CRYBG1: variants seen among roughly 807,000 people sequenced by gnomAD.
The protein encoded by CRYBG1 is beta/gamma crystallin domain-containing protein 1.
In CRYBG1, 139 loss-of-function variants were observed where a neutral mutation model predicts 189.2. The ratio of observed to expected loss-of-function variants is 0.73; its 90% CI spans 0.64 to 0.85. The LOEUF is 0.85. CRYBG1 is among the 40% of genes least tolerant of loss of function. The pLI is 0.00. For missense variants in CRYBG1, 2,611 were observed against 2,675.8 expected (o/e 0.98, Z 0.53); for synonymous variants, 1,023 against 1,017.1 (o/e 1.01, Z -0.11).
Position 106,506,446 on chromosome 6 carries a change from CTTTTTTTTTTTTT to C in CRYBG1, c.313-4971_313-4959del, listed in dbSNP as rs67154803. 5.7e-5 allele frequency among the ~76,000 whole-genome samples: 4 copies of C among 69,950 alleles called. No homozygotes were observed. The East Asian group carries it at 1.3e-3, about 22-fold the overall frequency. The allele number at this position is 69,950 out of a possible 152,430, so 45.9% of individuals were successfully genotyped here. On this transcript the variant is annotated intron_variant, in intron 2 of 21. Transcript: ENST00000633556. The stretch of plus-strand genomic sequence containing the variant: ...CAAAATGTTATTAGATTTCTTGTCA[CTTTTTTTTTTTTT>C]TTTTTTTTTTTTGAGATGGAGTTTC...
At chr6:106,382,892 T>C (rs774675987) in intron 1 of CRYBG1, among the ~76,000 whole-genome samples, 9 of 152,222 alleles carry the variant, frequency 5.9e-5, no homozygotes, top group Admixed American at 1.3e-4. Flanking sequence ...GTTAGACACA[T>C]TGCAAAAGAC....
chr6:106,568,913 A>C lies in CRYBG1; in HGVS notation c.*347A>C, dbSNP rs1774976565. ...AATTATTTCCAAAGATAGTGACAGGAGAGAACTGGAACAAATTTACCAACT... is the reference window on the plus strand; with the variant it reads ...AATTATTTCCAAAGATAGTGACAGGCGAGAACTGGAACAAATTTACCAACT... On this transcript the variant is annotated 3_prime_UTR_variant, in exon 22 of 22. Coordinates refer to ENST00000633556, the MANE Select transcript of CRYBG1 (RefSeq NM_001371242.2). 5.2e-6 allele frequency: 1 copy of C among 193,194 alleles called. No individual in the cohort carries two copies. The highest frequency in any genetic ancestry group is 2.3e-5 in the African/African-American group (1 of 42,934). The allele number at this position is 193,194 out of a possible 1,614,324, so 12.0% of individuals were successfully genotyped here.
intron 1 of CRYBG1, among the ~76,000 whole-genome samples, chr6:106,432,708 C>T (rs1206313645): frequency 3.3e-5 from 5 of 152,232 alleles, no homozygotes; most frequent in East Asian, 1.9e-4. Context: ...CGTGCACCTC[C>T]GCCTGTCCTC....
chr6:106,558,869 C>T (rs1323423606), intron 18 of CRYBG1, among the ~76,000 whole-genome samples: 1 of 151,808 alleles, frequency 6.6e-6, no homozygotes, highest in Non-Finnish European at 1.5e-5. Flanking sequence ...AGGCTGAGGC[C>T]GAAGGATCAC....
intron 9 of CRYBG1, 136 bp downstream of exon 9, chr6:106,539,665 G>A: frequency 4.8e-5 from 34 of 708,404 alleles, no homozygotes; most frequent in South Asian, 2.5e-4. Context: ...TTGCTCAATA[G>A]AAATCATGGA....
At position 106,516,205 on chromosome 6, in the gene CRYBG1, C is replaced by T. The variant is rs1466231207; in HGVS notation, c.1923-2926C>T. ...GTTGACTCACCAGCAGTCATACTGC[C>T]TGTCCCTTCTAGAAGCTCCTTAGGC... On this transcript the variant is annotated intron_variant, in intron 3 of 21. Coordinates refer to ENST00000633556, the MANE Select transcript of CRYBG1 (RefSeq NM_001371242.2). Among the ~76,000 whole-genome samples the T allele has an allele frequency of 5.9e-5, 9 of 151,434 alleles. No individual in the cohort carries two copies. In the East Asian group the frequency reaches 1.8e-3, roughly 30 times the overall value.
At chr6:106,453,776 A>G (rs1011701465) in intron 2 of CRYBG1, among the ~76,000 whole-genome samples, 36 of 152,198 alleles carry the variant, frequency 2.4e-4, no homozygotes, top group Non-Finnish European at 4.9e-4. Context: ...AGCTCTGGGC[A>G]TTGGGCTGCC....
chr6:106,364,981 T>C (rs1771954611), intron 1 of CRYBG1, among the ~76,000 whole-genome samples: 1 of 152,242 alleles, frequency 6.6e-6, no homozygotes, highest in Non-Finnish European at 1.5e-5. Context: ...GAGTTGTTTC[T>C]CTTTTTCTTA....
chr6:106,390,781 A>G (rs1770484569), intron 1 of CRYBG1, among the ~76,000 whole-genome samples: 1 of 152,020 alleles, frequency 6.6e-6, no homozygotes. Flanking sequence ...TTATTTTATG[A>G]CTGTGTTACA....
chr6:106,571,809 C>T lies in CRYBG1; in HGVS notation c.*3243C>T. 1.9e-6 allele frequency: 1 copy of T among 513,806 alleles called. No homozygotes were observed. Among genetic ancestry groups the T allele is most frequent in the East Asian group, 3.4e-5 (1 of 29,522 alleles). 31.8% of individuals were successfully genotyped at this position (513,806 alleles called of 1,614,324 possible). ...ACTTCGAATTTCTACTGACTACAGA[C>T]AAATCCAAGTGCTGATATTTTTATA... On this transcript the variant is annotated 3_prime_UTR_variant, in exon 22 of 22. Transcript: ENST00000633556.
At chr6:106,388,936 T>C (rs1352614037) in intron 1 of CRYBG1, among the ~76,000 whole-genome samples, 1 of 152,232 alleles carries the variant, frequency 6.6e-6, no homozygotes, top group South Asian at 2.1e-4. Flanking sequence ...TATTTTGTAC[T>C]TTTAAACCTA....
At chr6:106,413,002 T>G (rs1203053535) in intron 1 of CRYBG1, among the ~76,000 whole-genome samples, 2 of 151,874 alleles carry the variant, frequency 1.3e-5, no homozygotes, top group Admixed American at 1.3e-4. Context: ...TCGAGGTGGT[T>G]CTGGCTGTAA....
chr6:106,434,340 G>A (rs1582760562), intron 1 of CRYBG1, among the ~76,000 whole-genome samples: 1 of 152,272 alleles, frequency 6.6e-6, no homozygotes, highest in East Asian at 1.9e-4. Flanking sequence ...AGCTACAACA[G>A]TAGTCAAAAA....
chr6:106,495,063 C>T (rs1451959631), intron 2 of CRYBG1, among the ~76,000 whole-genome samples: 1 of 152,260 alleles, frequency 6.6e-6, no homozygotes, highest in Non-Finnish European at 1.5e-5. Context: ...CTACTACTTC[C>T]TCTGTTGTCT....
chr6:106,500,906 A>G (rs557707903), intron 2 of CRYBG1, among the ~76,000 whole-genome samples: 2 of 152,210 alleles, frequency 1.3e-5, no homozygotes, highest in South Asian at 4.1e-4. Flanking sequence ...TCTATCTGAA[A>G]GTTGCTTACT....
At chr6:106,375,740 A>G (rs1770150099) in intron 1 of CRYBG1, among the ~76,000 whole-genome samples, 1 of 152,142 alleles carries the variant, frequency 6.6e-6, no homozygotes, top group African/African-American at 2.4e-5. Context: ...TTTTTGATAC[A>G]CTTGGCTTAG....
rs150814885 is a variant in CRYBG1 at position 106,512,946 on chromosome 6, C to T, written c.1829C>T (p.Ala610Val). Reference protein sequence around the residue: ...EGGRSRELGRAAGAPGASDAD... With the variant: ...EGGRSRELGRVAGAPGASDAD... ...GGTCGAAGCAGAGAGCTGGGCAGAG[C>T]GGCCGGAGCGCCTGGAGCTTCTGAC... The change falls in exon 3 of 22, where the codon GCG becomes GTG. Residue 610 changes from alanine to valine, a missense_variant. Ala to Val is a moderately conservative substitution (Grantham distance 64). Transcript: ENST00000633556. 6 of 1,610,302 alleles carry T rather than the reference C, an allele frequency of 3.7e-6. No homozygotes were observed. Among genetic ancestry groups the T allele is most frequent in the Non-Finnish European group, 5.1e-6 (6 of 1,178,872 alleles).
chr6:106,390,708 C>G (rs1368781383), intron 1 of CRYBG1, among the ~76,000 whole-genome samples: 1 of 152,094 alleles, frequency 6.6e-6, no homozygotes, highest in Non-Finnish European at 1.5e-5. Context: ...ATCTTTCACT[C>G]AATATTATGT....
Position 106,520,102 on chromosome 6 carries a change from AG to A in CRYBG1, c.2895del (p.Ser966AlafsTer5), listed in dbSNP as rs1327407293. The A allele has an allele frequency of 1.9e-6, 3 of 1,614,022 alleles. No individual in the cohort carries two copies. In the African/African-American group the frequency reaches 4.0e-5, roughly 22 times the overall value. On this transcript the variant is annotated frameshift_variant, in exon 4 of 22. Coordinates refer to ENST00000633556, the MANE Select transcript of CRYBG1 (RefSeq NM_001371242.2). LOFTEE classifies it high-confidence loss of function. ...GTCAGGTCCTTCGTGCTCCCCGTGG[AG>A]AGCACCCAGGATGTGAGCTCCCAGG... ...VQVRSFVLPV[E>X]STQDVSSQVI... is the part of the protein sequence containing the mutation.
Sources: gnomAD v4.1 joint callset for allele counts (sites outside exome capture counted in the v4.1 genomes callset) on GRCh38, gnomAD v4.1.1 for gene constraint, MANE v1.5 for transcripts, NCBI Gene and HGNC (gene_info 2026-07-23, HGNC 2026-07-21) for gene names.